VWF: variants seen among roughly 807,000 people sequenced by gnomAD.
VWF encodes Factor VIII related antigen.
A neutral mutation model predicts 308.6 loss-of-function variants in VWF; 176 were observed. That is an observed-to-expected ratio of 0.57 (90% CI 0.50 to 0.65). The LOEUF (loss-of-function observed/expected upper bound fraction) is 0.65, where lower values mean the gene tolerates loss of function less well. Among genes scored for constraint, VWF ranks in the 30% least tolerant of loss-of-function variants. The pLI is 0.00. For missense variants in VWF, 3,146 were observed against 3,648.2 expected, an observed-to-expected ratio of 0.86 and a Z score of 3.55; for synonymous variants, 1,385 against 1,443.4, an observed-to-expected ratio of 0.96 and a Z score of 0.92.
intron 38 of VWF, 119 bp from the exon 39 acceptor site, chr12:5,985,784 C>T: frequency 1.1e-6 from 1 of 898,166 alleles, no homozygotes; most frequent in Non-Finnish European, 1.8e-6. Context: ...AGCCCTCTGA[C>T]AGAGCCTCAC....
chr12:5,955,248 G>A (rs78329863), intron 47 of VWF, among the ~76,000 whole-genome samples: 24,355 of 151,384 alleles, frequency 0.16, 2,563 homozygotes, highest in East Asian at 0.36. Context: ...TTAAGTTTTA[G>A]GGTACATGTG....
chr12:6,055,400 C>T (rs1024692821), intron 15 of VWF, among the ~76,000 whole-genome samples: 16 of 152,236 alleles, frequency 1.1e-4, no homozygotes, highest in African/African-American at 3.4e-4. Flanking sequence ...AAAGGGGTTA[C>T]GTGAAGGGTT....
intron 28 of VWF, 25 bp from the exon 29 acceptor site, chr12:6,016,895 G>T (rs1301505875): frequency 3.4e-5 from 54 of 1,610,176 alleles, no homozygotes; most frequent in Non-Finnish European, 4.2e-5. Flanking sequence ...AGGAAGGTGA[G>T]CACACAGGTG....
intron 3 of VWF, among the ~76,000 whole-genome samples, chr12:6,116,627 GTC>G (rs1945369848): frequency 6.6e-6 from 1 of 152,186 alleles, no homozygotes; most frequent in African/African-American, 2.4e-5. Flanking sequence ...AGGAAGAGCA[GTC>G]TCTACGGAGG....
intron 43 of VWF, among the ~76,000 whole-genome samples, chr12:5,972,780 A>G (rs4460858): frequency 0.037 from 5,565 of 152,260 alleles, 336 homozygotes; most frequent in African/African-American, 0.13. Context: ...TACGGAGGAG[A>G]CAACAAATTA....
rs1374150483 is a variant in VWF, at chr12:6,013,614, A to C, written c.5487T>G (p.Asp1829Glu). The C allele has an allele frequency of 6.2e-7, 1 of 1,613,572 alleles. No homozygotes were observed. The highest frequency in any genetic ancestry group is 8.5e-7 in the Non-Finnish European group (1 of 1,179,868). The stretch of plus-strand genomic sequence containing the variant: ...TCCGTAGCTGGGCTGCATCGTAGCG[A>C]TCTCCAATTCCAATAGGGAACACTG... ...RVTVFPIGIG[D>E]RYDAAQLRIL... Residue 1829 changes from aspartate (D) to glutamate (E), a missense_variant, in exon 32 of 52, where the codon GAT (aspartate) becomes GAG (glutamate). By Grantham distance (45) the Asp-to-Glu change is conservative. Coordinates refer to ENST00000261405, the MANE Select transcript of VWF (RefSeq NM_000552.5).
At position 5,994,613 on chromosome 12, in the gene VWF, C is replaced by A. The variant is rs544660958; in HGVS notation, c.6064-6G>T. 1.2e-6 allele frequency: 2 copies of A among 1,613,872 alleles called. No individual in the cohort carries two copies. Among genetic ancestry groups the A allele is most frequent in the East Asian group, 4.5e-5 (2 of 44,888 alleles). On this transcript the variant is annotated splice_region_variant and splice_polypyrimidine_tract_variant and intron_variant, in intron 35 of 51. Transcript: ENST00000261405. ...AGTCTCCCATTCACCGTCACCTGCACAAAGAAGAAAGAGCTCATCCGTAGT... is the reference window on the plus strand; with the variant it reads ...AGTCTCCCATTCACCGTCACCTGCAAAAAGAAGAAAGAGCTCATCCGTAGT...
intron 47 of VWF, among the ~76,000 whole-genome samples, chr12:5,964,238 A>ACATACATACATACATACATACATACATG (rs1555189786): frequency 1.4e-4 from 20 of 138,636 alleles, no homozygotes; most frequent in African/African-American, 4.2e-4. Context: ...ATACATACAT[A>ACATACATACATACATACATACATACATG]CATACATACA....
At chr12:6,115,952 C>T (rs1281763397) in intron 3 of VWF, among the ~76,000 whole-genome samples, 2 of 152,142 alleles carry the variant, frequency 1.3e-5, no homozygotes, top group African/African-American at 4.8e-5. Flanking sequence ...CCCCTTTTTG[C>T]AACACAAAGC....
intron 6 of VWF, among the ~76,000 whole-genome samples, chr12:6,092,620 T>TGTGA (rs1555073730): frequency 2.2e-5 from 2 of 89,700 alleles, no homozygotes; most frequent in East Asian, 2.9e-4. Flanking sequence ...TGAGTGAGAG[T>TGTGA]GTGTGTGTGT....
intron 6 of VWF, among the ~76,000 whole-genome samples, chr12:6,080,001 C>G (rs1355226313): frequency 1.3e-5 from 2 of 152,176 alleles, no homozygotes; most frequent in Non-Finnish European, 2.9e-5. Flanking sequence ...CTACCCATCC[C>G]ATCTGCCCTC....
chr12:6,067,079 C>T (rs1440999602), intron 10 of VWF, among the ~76,000 whole-genome samples: 1 of 152,166 alleles, frequency 6.6e-6, no homozygotes, highest in African/African-American at 2.4e-5. Flanking sequence ...CTCCGCTGCC[C>T]CCTCTAGAAG....
At chr12:6,049,962 T>C (rs552947606) in intron 16 of VWF, among the ~76,000 whole-genome samples, 1 of 152,344 alleles carries the variant, frequency 6.6e-6, no homozygotes, top group Admixed American at 6.5e-5. Flanking sequence ...TCCTCTTTTC[T>C]GCCCTCTGGC....
At chr12:6,092,632 T>TGAGAGAGAGA (rs1430723950) in intron 6 of VWF, among the ~76,000 whole-genome samples, 4 of 66,076 alleles carry the variant, frequency 6.1e-5, no homozygotes, top group South Asian at 4.3e-4. Flanking sequence ...TGTGTGTGTG[T>TGAGAGAGAGA]GTGTGTGTGT....
At chr12:5,993,822 G>A in intron 37 of VWF, 40 bp downstream of exon 37, 3 of 1,594,052 alleles carry the variant, frequency 1.9e-6, no homozygotes, top group Non-Finnish European at 2.6e-6. Flanking sequence ...AGCCCAGTTA[G>A]CTGGTCTCCA....
chr12:6,016,654 G>A lies in VWF; in HGVS notation c.5173C>T (p.Pro1725Ser), dbSNP rs78302129. 1.4e-3 allele frequency: 2,204 copies of A among 1,614,184 alleles called. 29 individuals carry two copies. In the African/African-American group the frequency reaches 0.024, roughly 18 times the overall value. Reference protein sequence around the residue: ...KAFISKANIGPRLTQVSVLQY... With the variant: ...KAFISKANIGSRLTQVSVLQY... ...AGCACTGACACCTGAGTGAGACGAG[G>A]CCCTAAACGGAACGAGAAAATGCGG... Residue 1725 changes from proline to serine, a missense_variant and splice_region_variant, in exon 30 of 52, where the codon CCT becomes TCT. Transcript: ENST00000261405.
chr12:6,108,994 A>AT (rs1162570174), intron 5 of VWF, among the ~76,000 whole-genome samples: 9 of 152,220 alleles, frequency 5.9e-5, no homozygotes, highest in African/African-American at 2.2e-4. Context: ...AAAAAAAAAA[A>AT]AAAAATTCAA....
chr12:6,071,396 T>C, intron 9 of VWF, 53 bp from the exon 10 acceptor site: 1 of 1,601,632 alleles, frequency 6.2e-7, no homozygotes, highest in South Asian at 1.1e-5. Flanking sequence ...CACAAGGGTA[T>C]GCAAATGGAT....
chr12:6,030,454 G>A (rs1417868056), intron 21 of VWF, among the ~76,000 whole-genome samples: 1 of 152,192 alleles, frequency 6.6e-6, no homozygotes, highest in Non-Finnish European at 1.5e-5. Context: ...GGCCATGGGA[G>A]AAAATGAAGA....
Sources: allele counts gnomAD v4.1 joint callset (sites outside exome capture counted in the v4.1 genomes callset), GRCh38; gene constraint gnomAD v4.1.1; transcripts MANE v1.5; gene names NCBI Gene and HGNC (gene_info 2026-07-23, HGNC 2026-07-21).